The following BBS9 variants were observed in gnomAD, a reference collection of about 807,000 sequenced individuals.
BBS9 encodes the protein protein PTHB1.
Under a neutral mutation model 117.7 loss-of-function variants are expected in BBS9, and 89 were observed. The ratio of observed to expected loss-of-function variants is 0.76; its 90% CI spans 0.64 to 0.90. The LOEUF is 0.90. Ranked by LOEUF, BBS9 falls within the 40% of genes least tolerant of loss-of-function variation. The pLI is 0.00. For missense variants in BBS9, 982 were observed against 1,042.2 expected (o/e 0.94, Z 0.80); for synonymous variants, 379 against 370.9 (o/e 1.02, Z -0.25).
chr7:33,191,620 C>T (rs1478450014), intron 5 of BBS9, among the ~76,000 whole-genome samples: 1 of 152,152 alleles, frequency 6.6e-6, no homozygotes, highest in African/African-American at 2.4e-5. Context: ...ATGCTCTGTC[C>T]TGGGCTGAAT....
intron 9 of BBS9, among the ~76,000 whole-genome samples, chr7:33,322,668 T>A (rs1378294681): frequency 2.0e-5 from 3 of 152,028 alleles, no homozygotes; most frequent in Non-Finnish European, 4.4e-5. Context: ...TCATTTTGTT[T>A]ATCATCTCAA....
At position 33,534,164 on chromosome 7, in the gene BBS9, A is replaced by G. The variant is rs771310981; in HGVS notation, c.2509A>G (p.Met837Val). 71 of 1,613,992 alleles carry G rather than the reference A, an allele frequency of 4.4e-5. No homozygotes were observed. In the East Asian group the frequency reaches 1.1e-3, roughly 25 times the overall value. Reference protein sequence around the residue: ...LSTDAAAPQTMVMPGGCTTIP... With the variant: ...LSTDAAAPQTVVMPGGCTTIP... ...TACCGATGCAGCAGCCCCACAGACC[A>G]TGGTCATGCCAGGTAAGAGCTCTGT... Residue 837 changes from methionine to valine, a missense_variant, in exon 21 of 23, where the codon ATG becomes GTG. By Grantham distance (21) the Met-to-Val change is conservative. Coordinates refer to ENST00000242067, the MANE Select transcript of BBS9 (RefSeq NM_198428.3).
At chr7:33,493,156 G>A (rs553543089) in intron 19 of BBS9, among the ~76,000 whole-genome samples, 10 of 152,068 alleles carry the variant, frequency 6.6e-5, no homozygotes, top group South Asian at 2.1e-4. Flanking sequence ...CACTATGCCC[G>A]GCTAATTTTT....
chr7:33,407,986 A>C (rs572587064), intron 19 of BBS9, among the ~76,000 whole-genome samples: 1 of 152,184 alleles, frequency 6.6e-6, no homozygotes, highest in Non-Finnish European at 1.5e-5. Flanking sequence ...AGGGACATTT[A>C]AGTCTGCAGA....
intron 2 of BBS9, among the ~76,000 whole-genome samples, chr7:33,149,486 C>A (rs930814774): frequency 6.6e-6 from 1 of 152,152 alleles, no homozygotes; most frequent in South Asian, 2.1e-4. Context: ...AAATTGAACA[C>A]CCCATGCATT....
At chr7:33,388,180 G>C in intron 19 of BBS9, 36 bp downstream of exon 19, 1 of 1,607,142 alleles carries the variant, frequency 6.2e-7, no homozygotes, top group Non-Finnish European at 8.5e-7. Flanking sequence ...TCTATTACTG[G>C]CTATACTTTT....
chr7:33,583,554 G>A (rs1485123290), intron 21 of BBS9, among the ~76,000 whole-genome samples: 1 of 152,072 alleles, frequency 6.6e-6, no homozygotes, highest in African/African-American at 2.4e-5. Context: ...ATACAAGCCA[G>A]GATAAGATAA....
At position 33,242,996 on chromosome 7, in the gene BBS9, T is replaced by C. The variant is rs555546553; in HGVS notation, c.443-14240T>C. 88 of 518,640 alleles carry C rather than the reference T, an allele frequency of 1.7e-4. 1 individual carries two copies. The highest frequency in any genetic ancestry group is 1.2e-3 in the South Asian group (83 of 71,532). The allele number at this position is 518,640 out of a possible 1,614,324, so 32.1% of individuals were successfully genotyped here. A position where few individuals can be genotyped will look rare whatever the true frequency, so the allele number is the denominator to read the frequency against. ...TCTTGAGCCTTAGGTCTCTCCACAG[T>C]AAATGAGGACAATAATTCTTGACGT... On this transcript the variant is annotated intron_variant, in intron 5 of 22. Transcript: ENST00000242067.
chr7:33,271,008 G>A (rs1056109548), intron 7 of BBS9, among the ~76,000 whole-genome samples: 17 of 152,212 alleles, frequency 1.1e-4, no homozygotes, highest in African/African-American at 4.1e-4. Context: ...GCTAATAGCG[G>A]ACCTTTCGGC....
chr7:33,143,799 A>C (rs1791909860), intron 1 of BBS9, among the ~76,000 whole-genome samples: 2 of 151,254 alleles, frequency 1.3e-5, no homozygotes, highest in South Asian at 2.1e-4. Flanking sequence ...TCTTGGCCCC[A>C]AGTGATCCTC....
intron 9 of BBS9, among the ~76,000 whole-genome samples, chr7:33,334,598 G>C (rs1814895661): frequency 6.6e-6 from 1 of 152,112 alleles, no homozygotes; most frequent in African/African-American, 2.4e-5. Flanking sequence ...TACCTGCAAA[G>C]AAAGGTTCAA....
intron 21 of BBS9, among the ~76,000 whole-genome samples, chr7:33,623,636 G>A (rs753843740): frequency 1.3e-5 from 2 of 152,082 alleles, no homozygotes; most frequent in Non-Finnish European, 2.9e-5. Flanking sequence ...GGCATCAACT[G>A]TAGATTTGAC....
chr7:33,370,750 A>G (rs1822705987), intron 17 of BBS9, among the ~76,000 whole-genome samples: 1 of 152,158 alleles, frequency 6.6e-6, no homozygotes. Flanking sequence ...ACCATATACA[A>G]CAAACACTGC....
At chr7:33,540,898 C>T (rs1330094257) in intron 21 of BBS9, among the ~76,000 whole-genome samples, 1 of 152,206 alleles carries the variant, frequency 6.6e-6, no homozygotes, top group Non-Finnish European at 1.5e-5. Flanking sequence ...ACTAATGTTT[C>T]ACCTTGTCAA....
Position 33,605,493 on chromosome 7 carries a change from A to T in BBS9, c.*267A>T. On this transcript the variant is annotated 3_prime_UTR_variant, in exon 23 of 23. Coordinates refer to ENST00000242067, the MANE Select transcript of BBS9 (RefSeq NM_198428.3). Reference sequence around the variant, plus strand: ...TCATCCATCTGCTAATAGTCACAGAATACAGTGAAATGACATAGTTTTGGG... The same window carrying T: ...TCATCCATCTGCTAATAGTCACAGATTACAGTGAAATGACATAGTTTTGGG... 3.9e-6 allele frequency: 2 copies of T among 510,360 alleles called. No individual in the cohort carries two copies. Among genetic ancestry groups the T allele is most frequent in the Non-Finnish European group, 7.1e-6 (2 of 283,130 alleles). The allele number at this position is 510,360 out of a possible 1,614,324, so 31.6% of individuals were successfully genotyped here. A position where few individuals can be genotyped will look rare whatever the true frequency, so the allele number is the denominator to read the frequency against.
chr7:33,367,516 T>A (rs775289307), intron 16 of BBS9, among the ~76,000 whole-genome samples: 1 of 152,212 alleles, frequency 6.6e-6, no homozygotes, highest in Non-Finnish European at 1.5e-5. Flanking sequence ...CTTGCACGTG[T>A]TCTGTCTCAT....
Position 33,518,351 on chromosome 7 carries a change from A to G in BBS9, c.2298+12706A>G, listed in dbSNP as rs561298498. Reference sequence around the variant, plus strand: ...CTGCAACCTCTGCCTCCCGGGTTCAAACGATTCTCCTGCCTCAGCCTCCCG... The same window carrying G: ...CTGCAACCTCTGCCTCCCGGGTTCAGACGATTCTCCTGCCTCAGCCTCCCG... On this transcript the variant is annotated intron_variant, in intron 20 of 22. Transcript: ENST00000242067. Among the ~76,000 whole-genome samples, 50 of 150,904 alleles carry G rather than the reference A, an allele frequency of 3.3e-4. 1 individual carries two copies. The highest frequency in any genetic ancestry group is 1.0e-3 in the African/African-American group (42 of 41,036).
intron 6 of BBS9, 123 bp downstream of exon 6, chr7:33,257,533 G>A (rs1238507729): frequency 3.4e-6 from 3 of 881,568 alleles, no homozygotes; most frequent in Admixed American, 1.9e-5. Flanking sequence ...TTGAAAATAT[G>A]TGATTGTGGT....
chr7:33,334,580 G>A (rs1341389240), intron 9 of BBS9, among the ~76,000 whole-genome samples: 1 of 152,104 alleles, frequency 6.6e-6, no homozygotes, highest in East Asian at 1.9e-4. Context: ...CCACTAGATG[G>A]CTTCAGTTAC....
Sources: gnomAD v4.1 joint callset for allele counts (sites outside exome capture counted in the v4.1 genomes callset) on GRCh38, gnomAD v4.1.1 for gene constraint, MANE v1.5 for transcripts, NCBI Gene and HGNC (gene_info 2026-07-23, HGNC 2026-07-21) for gene names.